Variants in TXNDC5 observed in about 807,000 individuals in gnomAD.
The protein encoded by TXNDC5 is thioredoxin domain containing 5.
In TXNDC5, 44 loss-of-function variants were observed where a neutral mutation model predicts 52.6. That is an observed-to-expected ratio of 0.84 (90% CI 0.66 to 1.08). The LOEUF (loss-of-function observed/expected upper bound fraction) is 1.08. Ranked by LOEUF, TXNDC5 falls within the 50% of genes least tolerant of loss-of-function variation. TXNDC5 has a pLI of 0.00. For missense variants in TXNDC5, 600 were observed against 565.5 expected (o/e 1.06, Z -0.62); for synonymous variants, 241 against 234.4 (o/e 1.03, Z -0.26).
intron 8 of TXNDC5, 96 bp from the exon 9 acceptor site, chr6:7,884,584 G>C: frequency 1.0e-5 from 16 of 1,543,414 alleles, no homozygotes; most frequent in Non-Finnish European, 1.4e-5. Context: ...TTCTGTATGG[G>C]ACAGTCAACA....
chr6:7,889,416 G>A (rs1331718220), intron 6 of TXNDC5, 79 bp downstream of exon 6: 4 of 1,216,420 alleles, frequency 3.3e-6, no homozygotes, highest in East Asian at 2.4e-5. Flanking sequence ...AATTCACTGT[G>A]CCCATTAAAC....
At position 7,882,073 on chromosome 6, in the gene TXNDC5, T is replaced by C. The variant is rs1759766189; in HGVS notation, c.*1071A>G. 1 of 152,660 alleles carries C rather than the reference T, an allele frequency of 6.6e-6. No homozygotes were observed. The highest frequency in any genetic ancestry group is 1.5e-5 in the Non-Finnish European group (1 of 68,076). The allele number at this position is 152,660 out of a possible 1,614,324, so 9.5% of individuals were successfully genotyped here. The stretch of plus-strand genomic sequence containing the variant: ...AGAGCAGCCCACTGACATCTGTCTT[T>C]GGTCTTGAGATCAAATGCATCCCAT... On this transcript the variant is annotated 3_prime_UTR_variant, in exon 10 of 10. Coordinates refer to ENST00000379757, the MANE Select transcript of TXNDC5 (RefSeq NM_030810.5).
chr6:7,893,201 G>A (rs1263641463), intron 4 of TXNDC5, among the ~76,000 whole-genome samples: 1 of 152,230 alleles, frequency 6.6e-6, no homozygotes, highest in East Asian at 1.9e-4. Context: ...GCAGGCTGTG[G>A]CCGGGGAGAG....
intron 9 of TXNDC5, 71 bp downstream of exon 9, chr6:7,884,288 G>C (rs938268173): frequency 1.5e-5 from 24 of 1,592,390 alleles, no homozygotes; most frequent in African/African-American, 9.4e-5. Context: ...AGTTATCGTG[G>C]TTGAGGCACA....
At chr6:7,885,035 A>G (rs1015855048) in intron 8 of TXNDC5, among the ~76,000 whole-genome samples, 8 of 152,318 alleles carry the variant, frequency 5.3e-5, no homozygotes, top group Non-Finnish European at 1.2e-4. Context: ...CTCCTGCCGT[A>G]TGGATGGCTC....
intron 7 of TXNDC5, 57 bp downstream of exon 7, chr6:7,888,647 GT>G: frequency 6.4e-7 from 1 of 1,555,568 alleles, no homozygotes; most frequent in Non-Finnish European, 8.6e-7. Flanking sequence ...GGGTGGGGAG[GT>G]GGGGGGCCGG....
chr6:7,909,986 C>G, intron 1 of TXNDC5: 1 of 986,172 alleles, frequency 1.0e-6, no homozygotes, highest in Non-Finnish European at 1.2e-6. Flanking sequence ...GGGCAGGGAC[C>G]GCGGGGTGAC....
At chr6:7,909,734 C>G in intron 1 of TXNDC5, 2 of 981,376 alleles carry the variant, frequency 2.0e-6, no homozygotes, top group Non-Finnish European at 2.4e-6. Flanking sequence ...TTGGTCTTCC[C>G]GGGGTAGCTC....
intron 2 of TXNDC5, chr6:7,899,997 T>C (rs781024118): frequency 1.9e-4 from 35 of 180,244 alleles, no homozygotes; most frequent in Admixed American, 3.7e-4. Flanking sequence ...GGGCCTTCCC[T>C]GCAAGCTACT....
chr6:7,893,383 G>T (rs1194529769), intron 4 of TXNDC5, among the ~76,000 whole-genome samples: 1 of 152,270 alleles, frequency 6.6e-6, no homozygotes, highest in Non-Finnish European at 1.5e-5. Context: ...CCATGTGCAG[G>T]TGCACAGTAG....
At chr6:7,895,488 C>A (rs1450549999) in intron 3 of TXNDC5, among the ~76,000 whole-genome samples, 1 of 152,212 alleles carries the variant, frequency 6.6e-6, no homozygotes, top group Non-Finnish European at 1.5e-5. Context: ...TACCCCAAAA[C>A]CCAACCAAAC....
At chr6:7,893,607 G>GC (rs1760271603) in intron 4 of TXNDC5, among the ~76,000 whole-genome samples, 1 of 152,248 alleles carries the variant, frequency 6.6e-6, no homozygotes. Context: ...CCTGCTCAGA[G>GC]CCCAAGACAA....
At chr6:7,895,283 G>C in intron 3 of TXNDC5, 81 bp from the exon 4 acceptor site, 3 of 1,310,714 alleles carry the variant, frequency 2.3e-6, no homozygotes, top group Non-Finnish European at 3.2e-6. Flanking sequence ...GTGTCTGTGG[G>C]GAACCGCCTG....
chr6:7,889,516 G>C lies in TXNDC5; in HGVS notation c.798C>G (p.Leu266=). 4 of 1,613,688 alleles carry C rather than the reference G, an allele frequency of 2.5e-6. No individual in the cohort carries two copies. In the South Asian group the frequency reaches 4.4e-5, roughly 18 times the overall value. ...GTACCTTTTTCCCATCTCGGAACCA[G>C]AGAAGAGTGGGATAGCCACGAACCT... ...GNQVRGYPTL[L]WFRDGKKVDQ... The change falls in exon 6 of 10, where the codon CTC becomes CTG. Residue 266 remains leucine, a synonymous_variant. Coordinates refer to ENST00000379757, the MANE Select transcript of TXNDC5 (RefSeq NM_030810.5).
rs1778185725 is a variant in TXNDC5, at chr6:7,888,846, C to G, written c.822G>C (p.Val274=). The change falls in exon 7 of 10, where the codon GTG becomes GTC. Residue 274 remains valine, a splice_region_variant and synonymous_variant. Transcript: ENST00000379757. ...AATCCCGCTTTCCCTTGTACTGATC[C>G]ACCTGGCCAAGACACGGGCACGCGG... is the stretch of plus-strand genomic sequence containing the variant. The part of the protein sequence containing the change: ...TLLWFRDGKK[V]DQYKGKRDLE... The G allele has an allele frequency of 6.2e-7, 1 of 1,607,678 alleles. No homozygotes were observed. Among genetic ancestry groups the G allele is most frequent in the African/African-American group, 1.3e-5 (1 of 74,658 alleles).
chr6:7,884,328 A>G (rs200412509), intron 9 of TXNDC5, 31 bp downstream of exon 9: 2 of 1,613,080 alleles, frequency 1.2e-6, no homozygotes, highest in Non-Finnish European at 8.5e-7. Flanking sequence ...CCATACTGAG[A>G]GCTCCCATAA....
intron 5 of TXNDC5, among the ~76,000 whole-genome samples, chr6:7,890,009 G>T (rs895332879): frequency 1.3e-5 from 2 of 152,198 alleles, no homozygotes; most frequent in African/African-American, 4.8e-5. Context: ...CTGAAGCTTA[G>T]AGGGTTTTAA....
rs764211245 is a variant in TXNDC5, at chr6:7,910,615, G to A, written c.162C>T (p.Gly54=). ...AAADGPPAAD[G]EDGQDPHSKH... The stretch of plus-strand genomic sequence containing the variant: ...TGCTGTGCGGGTCCTGTCCGTCCTC[G>A]CCGTCTGCCGCGGGGGGCCCGTCCG... The change falls in exon 1 of 10, where the codon GGC becomes GGT. Residue 54 remains glycine, a synonymous_variant. Transcript: ENST00000379757. The A allele has an allele frequency of 2.3e-5, 31 of 1,358,942 alleles. No individual in the cohort carries two copies. The highest frequency in any genetic ancestry group is 2.6e-5 in the Admixed American group (1 of 37,952). The allele number at this position is 1,358,942 out of a possible 1,614,324, so 84.2% of individuals were successfully genotyped here.
At position 7,904,574 on chromosome 6, in the gene TXNDC5, G is replaced by T. The variant is rs137930317; in HGVS notation, c.413C>A (p.Thr138Asn). The T allele has an allele frequency of 1.2e-4, 195 of 1,613,688 alleles. No individual in the cohort carries two copies. Among genetic ancestry groups the T allele is most frequent in the Non-Finnish European group, 3.5e-5 (41 of 1,179,826 alleles). ...CSAQGVRGYP[T>N]LKLFKPGQEA... ...GTGTGCCCCCTTCCTTCCAACTTAC[G>T]TGGGGTATCCTCGCACCCCCTGGGC... Residue 138 changes from threonine to asparagine, a missense_variant and splice_region_variant, in exon 2 of 10, where the codon ACC (threonine) becomes AAC (asparagine). By Grantham distance (65) the Thr-to-Asn change is moderately conservative (BLOSUM62 0). Transcript: ENST00000379757.
Sources: allele counts gnomAD v4.1 joint callset (sites outside exome capture counted in the v4.1 genomes callset), GRCh38; gene constraint gnomAD v4.1.1; transcripts MANE v1.5; gene names NCBI Gene and HGNC (gene_info 2026-07-23, HGNC 2026-07-21).